GIPC1: variants seen among roughly 807,000 people sequenced by gnomAD.
GIPC1 encodes the protein PDZ domain-containing protein GIPC1.
In GIPC1, 15 loss-of-function variants were observed where a neutral mutation model predicts 28.5. That is an observed-to-expected ratio of 0.53 (90% CI 0.35 to 0.81). The LOEUF is 0.81. Ranked by LOEUF, GIPC1 falls within the 30% of genes least tolerant of loss-of-function variation. The probability of loss-of-function intolerance (pLI) is 0.01; values close to 1 mark genes in which losing one functional copy is unlikely to be tolerated. For missense variants in GIPC1, 439 were observed against 481.9 expected, an observed-to-expected ratio of 0.91 and a Z score of 0.83; for synonymous variants, 224 against 206.1, an observed-to-expected ratio of 1.09 and a Z score of -0.74.
At chr19:14,490,549 T>C (rs57391410) in intron 3 of GIPC1, among the ~76,000 whole-genome samples, 124 of 145,140 alleles carry the variant, frequency 8.5e-4, no homozygotes, top group Non-Finnish European at 1.4e-3. Context: ...TAGTGGCACA[T>C]GCCTGTAATC....
rs1398265755 is a variant in GIPC1, at chr19:14,480,763, G to C, written c.304C>G (p.Leu102Val). Residue 102 changes from leucine to valine, a missense_variant, in exon 5 of 9, where the codon CTG becomes GTG. Transcript: ENST00000393033. ...TCCATGTCCACTTTGTGGGTGTTCA[G>C]GGTGCAGAACATCACCTGCAGGGGT... is the stretch of plus-strand genomic sequence containing the variant. Reference protein sequence around the residue: ...LPTAEVMFCTLNTHKVDMDKL... With the variant: ...LPTAEVMFCTVNTHKVDMDKL... 1.9e-6 allele frequency: 3 copies of C among 1,612,980 alleles called. No individual in the cohort carries two copies. The highest frequency in any genetic ancestry group is 8.5e-7 in the Non-Finnish European group (1 of 1,179,030).
chr19:14,477,980 T>A lies in GIPC1; in HGVS notation c.*436A>T, dbSNP rs1449557240. On this transcript the variant is annotated 3_prime_UTR_variant, in exon 9 of 9. Coordinates refer to ENST00000393033, the MANE Select transcript of GIPC1 (RefSeq NM_005716.4). ...CCTCTCAGGAGGGGTGAGGGCATTA[T>A]TGCATTTGCTGGGGGGAAGGACAAC... The A allele has an allele frequency of 6.0e-6, 1 of 167,244 alleles. No individual in the cohort carries two copies. Among genetic ancestry groups the A allele is most frequent in the Non-Finnish European group, 1.3e-5 (1 of 76,572 alleles). 10.4% of individuals were successfully genotyped at this position (167,244 alleles called of 1,614,324 possible). A position where few individuals can be genotyped will look rare whatever the true frequency, so the allele number is the denominator to read the frequency against.
intron 4 of GIPC1, 186 bp from the exon 5 acceptor site, chr19:14,480,964 G>C (rs558706005): frequency 3.8e-4 from 222 of 576,998 alleles, no homozygotes; most frequent in Non-Finnish European, 5.8e-4. Flanking sequence ...GCTAGGACTA[G>C]GATTTAGTTT....
At chr19:14,488,837 G>C (rs2071901903) in intron 3 of GIPC1, among the ~76,000 whole-genome samples, 2 of 150,792 alleles carry the variant, frequency 1.3e-5, no homozygotes, top group Non-Finnish European at 3.0e-5. Context: ...GCATGTTTGA[G>C]GAACAGTGAG....
In GIPC1 at chr19:14,478,620, G is replaced by A. The variant is rs1448368095; in HGVS notation, c.851-53C>T. ...CACAAATGACACCAGGGACCAAGGG[G>A]CTCAGGGTGGATTCGGCCCCCAGCA... On this transcript the variant is annotated intron_variant, in intron 8 of 8. Coordinates refer to ENST00000393033, the MANE Select transcript of GIPC1 (RefSeq NM_005716.4). The surrounding 1 kb of genome is among the most constrained non-coding windows in gnomAD (Gnocchi z 5.2). The A allele has an allele frequency of 5.6e-6, 9 of 1,611,966 alleles. No homozygotes were observed. In the Admixed American group the frequency reaches 1.3e-4, roughly 24 times the overall value.
At position 14,478,310 on chromosome 19, in the gene GIPC1, G is replaced by C. The variant is rs1348279924; in HGVS notation, c.*106C>G. 8.4e-6 allele frequency: 10 copies of C among 1,196,242 alleles called. No individual in the cohort carries two copies. The highest frequency in any genetic ancestry group is 2.4e-5 in the Admixed American group (1 of 41,454). The allele number at this position is 1,196,242 out of a possible 1,614,324, so 74.1% of individuals were successfully genotyped here. A position where few individuals can be genotyped will look rare whatever the true frequency, so the allele number is the denominator to read the frequency against. ...CTCCCCTCACCATCGTCCTTGGGCT[G>C]CTGAGCTAGGCTCAGGCTGGAGGCT... On this transcript the variant is annotated 3_prime_UTR_variant, in exon 9 of 9. Transcript: ENST00000393033. This position sits in a 1 kb window ranked among gnomAD's most constrained non-coding sequence, Gnocchi z 5.2.
chr19:14,485,114 T>C (rs984412697), intron 3 of GIPC1, among the ~76,000 whole-genome samples: 3 of 151,796 alleles, frequency 2.0e-5, no homozygotes, highest in Non-Finnish European at 4.4e-5. Context: ...GAGCTGAGAT[T>C]GCACCACTGC....
At chr19:14,491,153 G>A (rs1167312361) in intron 3 of GIPC1, among the ~76,000 whole-genome samples, 2 of 152,076 alleles carry the variant, frequency 1.3e-5, no homozygotes, top group African/African-American at 4.8e-5. Flanking sequence ...AGGCTGGTGT[G>A]AGCCACTGCG....
In GIPC1 at chr19:14,491,667, T is replaced by C. The variant is rs529983701; in HGVS notation, c.-42A>G. On this transcript the variant is annotated 5_prime_UTR_variant, in exon 3 of 9. Transcript: ENST00000393033. Reference sequence around the variant, plus strand: ...CCATGATCACTTACCTAAACTAGTGTGGTTGCCTCCTGTGGGTTTCCCAGC... The same window carrying C: ...CCATGATCACTTACCTAAACTAGTGCGGTTGCCTCCTGTGGGTTTCCCAGC... The C allele has an allele frequency of 1.3e-5, 2 of 152,660 alleles. No individual in the cohort carries two copies. The highest frequency in any genetic ancestry group is 3.9e-4 in the East Asian group (2 of 5,186). 9.5% of individuals were successfully genotyped at this position (152,660 alleles called of 1,614,324 possible). A position where few individuals can be genotyped will look rare whatever the true frequency, so the allele number is the denominator to read the frequency against.
chr19:14,485,702 T>TATATATATATATATAGAGAGAGAG (rs1300117748), intron 3 of GIPC1, among the ~76,000 whole-genome samples: 1 of 58,790 alleles, frequency 1.7e-5, no homozygotes, highest in Non-Finnish European at 3.7e-5. Flanking sequence ...TATATATATA[T>TATATATATATATATAGAGAGAGAG]AGAGAGAGAG....
chr19:14,486,627 T>G lies in GIPC1; in HGVS notation c.-30-3621A>C, dbSNP rs371260315. ...GTAGCAGGAAGAAAAAGCAAATCTTTGCTGAATTCAGCCACTAAGACTTTT... is the reference window on the plus strand; with the variant it reads ...GTAGCAGGAAGAAAAAGCAAATCTTGGCTGAATTCAGCCACTAAGACTTTT... On this transcript the variant is annotated intron_variant, in intron 3 of 8. Transcript: ENST00000393033. Among the ~76,000 whole-genome samples, 337 of 152,234 alleles carry G rather than the reference T, an allele frequency of 2.2e-3. 7 individuals carry two copies. In the South Asian group the frequency reaches 0.067, roughly 30 times the overall value.
chr19:14,482,213 G>C (rs2071743591), intron 4 of GIPC1: 1 of 186,312 alleles, frequency 5.4e-6, no homozygotes, highest in African/African-American at 2.5e-5. Flanking sequence ...CGTCAGTTTT[G>C]CACAATCGAC....
chr19:14,479,902 C>T, intron 6 of GIPC1: 2 of 408,722 alleles, frequency 4.9e-6, no homozygotes, highest in Non-Finnish European at 8.9e-6. Flanking sequence ...GCCCTACCTG[C>T]CCAGGGAAGT....
intron 1 of GIPC1, among the ~76,000 whole-genome samples, chr19:14,494,259 T>C (rs903618786): frequency 6.6e-6 from 1 of 150,574 alleles, no homozygotes; most frequent in Non-Finnish European, 1.5e-5. Context: ...CCCTAGCCAA[T>C]TTTTGTATTT....
intron 2 of GIPC1, among the ~76,000 whole-genome samples, chr19:14,492,149 C>T (rs973207892): frequency 3.3e-5 from 5 of 152,140 alleles, no homozygotes; most frequent in Non-Finnish European, 7.4e-5. Flanking sequence ...AAACTAAAAA[C>T]ATGAATCTGG....
chr19:14,492,992 C>T (rs902620914), intron 1 of GIPC1, 80 bp from the exon 2 acceptor site: 33 of 152,326 alleles, frequency 2.2e-4, no homozygotes, highest in Non-Finnish European at 2.9e-5. Context: ...CCCATCTACA[C>T]TCTGCCTCAG....
chr19:14,491,126 ATGGTGTGAGCCAAAGAAGGC>A (rs1298173454), intron 3 of GIPC1, among the ~76,000 whole-genome samples: 1 of 152,136 alleles, frequency 6.6e-6, no homozygotes, highest in Non-Finnish European at 1.5e-5. Context: ...CCTGGCCAAC[ATGGTGTGAGCCAAAGAAGGC>A]TGGTGTGAGC....
intron 3 of GIPC1, among the ~76,000 whole-genome samples, chr19:14,491,026 G>T (rs1293400642): frequency 3.4e-5 from 5 of 147,480 alleles, no homozygotes; most frequent in African/African-American, 1.3e-4. Flanking sequence ...TAGTTAGGCC[G>T]GGTGCAGGGA....
chr19:14,480,110 C>T (rs1450543834), intron 6 of GIPC1, 195 bp downstream of exon 6: 6 of 602,398 alleles, frequency 1.0e-5, no homozygotes, highest in Middle Eastern at 4.4e-4. Flanking sequence ...CCTCCTCGCC[C>T]CCGCCCTTCT....
Sources: gnomAD v4.1 joint callset for allele counts (sites outside exome capture counted in the v4.1 genomes callset) on GRCh38, gnomAD v4.1.1 for gene constraint, Gnocchi (gnomAD v3.1) non-coding constraint, MANE v1.5 for transcripts, NCBI Gene and HGNC (gene_info 2026-07-23, HGNC 2026-07-21) for gene names.